DSC1: variants seen among roughly 807,000 people sequenced by gnomAD.
The protein encoded by DSC1 is desmocollin-1.
DSC1 carries 79 observed loss-of-function variants against 98.8 expected under a neutral mutation model. The ratio of observed to expected loss-of-function variants is 0.80; its 90% CI spans 0.67 to 0.96. The LOEUF (loss-of-function observed/expected upper bound fraction) is 0.96, where lower values mean the gene tolerates loss of function less well. DSC1 is among the 50% of genes least tolerant of loss of function. The pLI, the probability that DSC1 is intolerant of heterozygous loss-of-function variation, is 0.00. For missense variants in DSC1, 1,115 were observed against 1,075.9 expected (o/e 1.04, Z -0.51); for synonymous variants, 405 against 372.1 (o/e 1.09, Z -1.02).
In DSC1 at chr18:31,139,841, T is replaced by G; in HGVS notation, c.1570A>C (p.Thr524Pro). The G allele has an allele frequency of 1.2e-6, 2 of 1,611,658 alleles. No individual in the cohort carries two copies. The highest frequency in any genetic ancestry group is 1.7e-6 in the Non-Finnish European group (2 of 1,179,282). The change falls in exon 11 of 16, where the codon ACT (threonine) becomes CCT (proline). Residue 524 changes from threonine (T) to proline (P), a missense_variant. By Grantham distance (38) the Thr-to-Pro change is conservative (BLOSUM62 -1). Transcript: ENST00000257198. ...EDNWFEINQH[T>P]GDLRTLKVLD... ...ACTTTTAGAGTTCTCAAGTCGCCAG[T>G]GTGTTGATTAATTTCAAACCAGTTA...
chr18:31,158,528 T>C (rs909406869), intron 2 of DSC1, among the ~76,000 whole-genome samples: 2 of 102,222 alleles, frequency 2.0e-5, no homozygotes, highest in African/African-American at 6.5e-5. Flanking sequence ...ACCATTTCTG[T>C]ATTGTTTGTA....
Position 31,134,003 on chromosome 18 carries a change from T to G in DSC1, c.2004A>C (p.Ser668=). ...CCTTCATTCTACACTCAGATGGAGT[T>G]GAACAGTCACATACTCTCACTGTTA... ...HMLTVRVCDC[S]TPSECRMKDK... The change falls in exon 13 of 16, where the codon TCA becomes TCC. Residue 668 remains serine, a synonymous_variant. Coordinates refer to ENST00000257198, the MANE Select transcript of DSC1 (RefSeq NM_024421.2). 1 of 1,613,442 alleles carries G rather than the reference T, an allele frequency of 6.2e-7. No homozygotes were observed. The highest frequency in any genetic ancestry group is 8.5e-7 in the Non-Finnish European group (1 of 1,179,666).
intron 3 of DSC1, among the ~76,000 whole-genome samples, chr18:31,157,099 T>C (rs1224574757): frequency 6.6e-6 from 1 of 152,220 alleles, no homozygotes; most frequent in Admixed American, 6.5e-5. Context: ...GGTTGGTTTG[T>C]TCTTATTCCC....
chr18:31,135,727 A>G (rs1598614455), intron 11 of DSC1, among the ~76,000 whole-genome samples: 1 of 152,158 alleles, frequency 6.6e-6, no homozygotes, highest in East Asian at 1.9e-4. Flanking sequence ...TTAAGAGATA[A>G]TGAAGTTCAG....
At chr18:31,134,946 A>G (rs539471328) in intron 11 of DSC1, among the ~76,000 whole-genome samples, 162 bp from the exon 12 acceptor site, 3 of 152,180 alleles carry the variant, frequency 2.0e-5, no homozygotes, top group South Asian at 4.1e-4. Context: ...AAATAGGGAC[A>G]TGTCACTTTT....
intron 12 of DSC1, among the ~76,000 whole-genome samples, 190 bp downstream of exon 12, chr18:31,134,382 G>C (rs1988562652): frequency 2.0e-5 from 3 of 151,854 alleles, no homozygotes; most frequent in Non-Finnish European, 2.9e-5. Context: ...TTTCTTAAAA[G>C]ATATTCAGAA....
At chr18:31,135,328 G>A (rs143432253) in intron 11 of DSC1, among the ~76,000 whole-genome samples, 170 of 152,076 alleles carry the variant, frequency 1.1e-3, no homozygotes, top group African/African-American at 3.7e-3. Flanking sequence ...TAAATGTCAC[G>A]TCCTCATGAA....
rs750261891 is a variant in DSC1, at chr18:31,140,263, T to C, written c.1299A>G (p.Gln433=). The stretch of plus-strand genomic sequence containing the variant: ...ATTGTGCCTCGTTAATGACACCAAC[T>C]TGCAAAATAACTTGGCGATTGACTT... ...NYEVNRQVIL[Q]VGVINEAQFS... is the part of the protein sequence containing the mutation. Residue 433 remains glutamine, a synonymous_variant, in exon 10 of 16, where the codon CAA becomes CAG. Coordinates refer to ENST00000257198, the MANE Select transcript of DSC1 (RefSeq NM_024421.2). 6.2e-7 allele frequency: 1 copy of C among 1,614,026 alleles called. No homozygotes were observed. The highest frequency in any genetic ancestry group is 8.5e-7 in the Non-Finnish European group (1 of 1,179,906).
In DSC1 at chr18:31,131,666, T is replaced by C; in HGVS notation, c.2415A>G (p.Gly805=). 1.9e-6 allele frequency: 3 copies of C among 1,614,088 alleles called. No individual in the cohort carries two copies. The highest frequency in any genetic ancestry group is 2.5e-6 in the Non-Finnish European group (3 of 1,179,978). The change falls in exon 15 of 16, where the codon GGA becomes GGG. Residue 805 remains glycine, a synonymous_variant. Coordinates refer to ENST00000257198, the MANE Select transcript of DSC1 (RefSeq NM_024421.2). ...ATCTGCCAGTATCTCCCTGCCCCAC[T>C]CCCTTGACGGACTCCAAGGTCTGAT... The part of the protein sequence containing the change: ...GGHQTLESVK[G]VGQGDTGRYA...
intron 6 of DSC1, 68 bp downstream of exon 6, chr18:31,148,430 C>A: frequency 1.4e-6 from 2 of 1,441,744 alleles, no homozygotes; most frequent in African/African-American, 1.4e-5. Context: ...ACGTAAACAT[C>A]TTTAATTATA....
At position 31,156,123 on chromosome 18, in the gene DSC1, G is replaced by A. The variant is rs759805213; in HGVS notation, c.391C>T (p.Arg131Cys). The change falls in exon 4 of 16, where the codon CGC (arginine) becomes TGC (cysteine). Residue 131 changes from arginine to cysteine, a missense_variant. Transcript: ENST00000257198. ...ATAGGAGCCCATCGTCTCTTGCTGCGCTTGAGGGCTGTGTCTTTGGTATGT... is the reference window on the plus strand; with the variant it reads ...ATAGGAGCCCATCGTCTCTTGCTGCACTTGAGGGCTGTGTCTTTGGTATGT... Reference protein sequence around the residue: ...KRHTKDTALKRSKRRWAPIPA... With the variant: ...KRHTKDTALKCSKRRWAPIPA... The A allele has an allele frequency of 1.3e-5, 21 of 1,614,016 alleles. No individual in the cohort carries two copies. The highest frequency in any genetic ancestry group is 1.7e-5 in the Non-Finnish European group (20 of 1,180,034).
At chr18:31,139,693 T>G in intron 11 of DSC1, 55 bp downstream of exon 11, 4 of 1,456,528 alleles carry the variant, frequency 2.7e-6, no homozygotes, top group Non-Finnish European at 3.7e-6. Context: ...CACCACAAGG[T>G]TTCCTTAAAA....
At chr18:31,159,660 T>C in intron 1 of DSC1, 131 bp from the exon 2 acceptor site, 5 of 852,756 alleles carry the variant, frequency 5.9e-6, no homozygotes, top group Non-Finnish European at 8.8e-6. Flanking sequence ...TTTACATTTT[T>C]AATACTCACT....
At chr18:31,132,483 G>C (rs533875272) in intron 14 of DSC1, 85 bp downstream of exon 14, 1 of 1,536,944 alleles carries the variant, frequency 6.5e-7, no homozygotes, top group South Asian at 1.2e-5. Context: ...ATAAACATTA[G>C]TGATATTATC....
intron 5 of DSC1, among the ~76,000 whole-genome samples, chr18:31,151,677 A>G (rs1206773488): frequency 6.6e-6 from 1 of 152,166 alleles, no homozygotes; most frequent in Non-Finnish European, 1.5e-5. Flanking sequence ...AATTGCTGTC[A>G]TCTTTGGAAA....
intron 5 of DSC1, among the ~76,000 whole-genome samples, chr18:31,150,561 ACCACCGTCATCATCATCG>A (rs1225779380): frequency 6.6e-6 from 1 of 151,580 alleles, no homozygotes; most frequent in Non-Finnish European, 1.5e-5. Flanking sequence ...CAACACCACC[ACCACCGTCATCATCATCG>A]CCACCGTCAC....
chr18:31,162,718 C>A lies in DSC1; in HGVS notation c.-124G>T. ...CTGCTGCCACCTTGATGCAGCTGAG[C>A]TTGGTTTGGAAGACAGTCCGGAGGC... is the stretch of plus-strand genomic sequence containing the variant. On this transcript the variant is annotated 5_prime_UTR_variant, in exon 1 of 16. Transcript: ENST00000257198. The A allele has an allele frequency of 1.2e-6, 1 of 811,530 alleles. No homozygotes were observed. Among genetic ancestry groups the A allele is most frequent in the Non-Finnish European group, 2.0e-6 (1 of 488,292 alleles). The allele number at this position is 811,530 out of a possible 1,614,324, so 50.3% of individuals were successfully genotyped here. A position where few individuals can be genotyped will look rare whatever the true frequency, so the allele number is the denominator to read the frequency against.
In DSC1 at chr18:31,134,679, A is replaced by T. The variant is rs775406525; in HGVS notation, c.1769T>A (p.Phe590Tyr). The change falls in exon 12 of 16, where the codon TTT becomes TAT. Residue 590 changes from phenylalanine to tyrosine, a missense_variant. Coordinates refer to ENST00000257198, the MANE Select transcript of DSC1 (RefSeq NM_024421.2). ...TGGATCTACAGGTTTCAGAACAGCAAAATCCTCATTATTCTGACAAATGGT... is the reference window on the plus strand; with the variant it reads ...TGGATCTACAGGTTTCAGAACAGCATAATCCTCATTATTCTGACAAATGGT... ...EVTICQNNED[F>Y]AVLKPVDPDG... The T allele has an allele frequency of 1.9e-6, 3 of 1,613,148 alleles. No homozygotes were observed. The highest frequency in any genetic ancestry group is 2.5e-6 in the Non-Finnish European group (3 of 1,179,570).
At chr18:31,143,855 A>C in intron 7 of DSC1, 64 bp from the exon 8 acceptor site, 1 of 1,329,668 alleles carries the variant, frequency 7.5e-7, no homozygotes. Context: ...CAATTCTCAC[A>C]ACCACTTGTT....
Sources: gnomAD v4.1 joint callset for allele counts (sites outside exome capture counted in the v4.1 genomes callset) on GRCh38, gnomAD v4.1.1 for gene constraint, MANE v1.5 for transcripts, NCBI Gene and HGNC (gene_info 2026-07-23, HGNC 2026-07-21) for gene names.